Variants in PITPNC1 observed in about 807,000 individuals in gnomAD.
PITPNC1 encodes phosphatidylinositol transfer protein cytoplasmic 1.
In PITPNC1, 18 loss-of-function variants were observed where a neutral mutation model predicts 44.7. The observed-to-expected ratio is 0.40, with a 90% CI of 0.28 to 0.60. PITPNC1 has a LOEUF of 0.60. Ranked by LOEUF, PITPNC1 falls within the 20% of genes least tolerant of loss-of-function variation. The pLI is 0.39. For missense variants in PITPNC1, 290 were observed against 418.4 expected (o/e 0.69, Z 2.68); for synonymous variants, 141 against 149.6 (o/e 0.94, Z 0.42).
intron 6 of PITPNC1, among the ~76,000 whole-genome samples, chr17:67,658,191 G>A (rs1405349034): frequency 6.6e-6 from 1 of 152,212 alleles, no homozygotes; most frequent in Non-Finnish European, 1.5e-5. Context: ...TGGGACCCCA[G>A]TGAAACCCCA....
At chr17:67,588,096 C>T (rs2041345802) in intron 5 of PITPNC1, among the ~76,000 whole-genome samples, 2 of 152,188 alleles carry the variant, frequency 1.3e-5, no homozygotes, top group Non-Finnish European at 2.9e-5. Context: ...CTCTACCTCT[C>T]AGGTTCAAAC....
intron 1 of PITPNC1, among the ~76,000 whole-genome samples, chr17:67,474,262 A>G (rs1250135312): frequency 1.3e-5 from 2 of 152,190 alleles, no homozygotes; most frequent in Non-Finnish European, 2.9e-5. Flanking sequence ...TTTCCATGTC[A>G]GGAAGGAGAA....
chr17:67,576,975 A>G (rs1395880052), intron 4 of PITPNC1, among the ~76,000 whole-genome samples: 1 of 152,202 alleles, frequency 6.6e-6, no homozygotes, highest in African/African-American at 2.4e-5. Context: ...GACTTATCCA[A>G]ATTACATATT....
At position 67,521,537 on chromosome 17, in the gene PITPNC1, T is replaced by A. The variant is rs185568013; in HGVS notation, c.49-11265T>A. 5.3e-5 allele frequency among the ~76,000 whole-genome samples: 8 copies of A among 152,276 alleles called. 2 individuals carry two copies. In the East Asian group the frequency reaches 1.5e-3, roughly 29 times the overall value. ...GGTTTATTGACCAGGCTGAGAGACA[T>A]CTGACAAAACACCCAAGAACTTTAC... On this transcript the variant is annotated intron_variant, in intron 1 of 8. Coordinates refer to ENST00000581322, the MANE Select transcript of PITPNC1 (RefSeq NM_012417.4).
At position 67,696,433 on chromosome 17, in the gene PITPNC1, G is replaced by A. The variant is rs1468607034; in HGVS notation, c.*3545G>A. 2.0e-5 allele frequency: 3 copies of A among 152,138 alleles called. No homozygotes were observed. Among genetic ancestry groups the A allele is most frequent in the Non-Finnish European group, 4.4e-5 (3 of 68,022 alleles). 9.4% of individuals were successfully genotyped at this position (152,138 alleles called of 1,614,324 possible). A position where few individuals can be genotyped will look rare whatever the true frequency, so the allele number is the denominator to read the frequency against. On this transcript the variant is annotated 3_prime_UTR_variant, in exon 9 of 9. Coordinates refer to ENST00000581322, the MANE Select transcript of PITPNC1 (RefSeq NM_012417.4). Reference sequence around the variant, plus strand: ...CGATAGGAATTTTACTCTTAAGAAGGGCCAGTGTATAGCTGACTCTACATA... The same window carrying A: ...CGATAGGAATTTTACTCTTAAGAAGAGCCAGTGTATAGCTGACTCTACATA...
At chr17:67,521,522 C>T (rs929019854) in intron 1 of PITPNC1, among the ~76,000 whole-genome samples, 1 of 152,026 alleles carries the variant, frequency 6.6e-6, no homozygotes, top group Non-Finnish European at 1.5e-5. Flanking sequence ...GGTTTATTGA[C>T]CAGGCTGAGA....
intron 6 of PITPNC1, among the ~76,000 whole-genome samples, chr17:67,633,797 C>T (rs1266214438): frequency 6.6e-6 from 1 of 152,160 alleles, no homozygotes; most frequent in African/African-American, 2.4e-5. Flanking sequence ...ACGCCTCGGG[C>T]CCCCCCGGGC....
chr17:67,584,320 G>A (rs1157654112), intron 5 of PITPNC1, among the ~76,000 whole-genome samples: 1 of 152,086 alleles, frequency 6.6e-6, no homozygotes, highest in Non-Finnish European at 1.5e-5. Context: ...AAACTCCTCT[G>A]ATAAAATGAA....
intron 2 of PITPNC1, among the ~76,000 whole-genome samples, chr17:67,539,731 G>A (rs549403608): frequency 1.1e-4 from 17 of 152,140 alleles, no homozygotes; most frequent in African/African-American, 3.1e-4. Flanking sequence ...CCAGCTACTC[G>A]GGAGGCTGAG....
intron 1 of PITPNC1, among the ~76,000 whole-genome samples, chr17:67,494,589 G>A (rs2039918053): frequency 6.6e-6 from 1 of 152,136 alleles, no homozygotes; most frequent in African/African-American, 2.4e-5. Flanking sequence ...CTTGCTGGTG[G>A]TGGCCAGCAC....
chr17:67,626,175 AG>A (rs758177613), intron 5 of PITPNC1, among the ~76,000 whole-genome samples: 6 of 151,826 alleles, frequency 4.0e-5, no homozygotes, highest in Non-Finnish European at 7.4e-5. Context: ...TTATAGAGAC[AG>A]GGTCTTGCTA....
intron 1 of PITPNC1, among the ~76,000 whole-genome samples, chr17:67,382,774 A>G (rs1234062556): frequency 5.4e-5 from 8 of 149,018 alleles, no homozygotes; most frequent in African/African-American, 2.0e-4. Flanking sequence ...ACAGGCGCCC[A>G]CCATCACGCC....
chr17:67,380,709 T>C (rs2037945522), intron 1 of PITPNC1, among the ~76,000 whole-genome samples: 1 of 152,160 alleles, frequency 6.6e-6, no homozygotes, highest in Non-Finnish European at 1.5e-5. Flanking sequence ...TTTTTCCACA[T>C]TGAAAATGAG....
chr17:67,490,796 C>A (rs556356581), intron 1 of PITPNC1, among the ~76,000 whole-genome samples: 5 of 152,182 alleles, frequency 3.3e-5, no homozygotes, highest in African/African-American at 1.2e-4. Context: ...TGGAGCTGAA[C>A]GTCAGCGCCT....
At chr17:67,687,062 T>C (rs1452939578) in intron 8 of PITPNC1, 1 of 1,565,576 alleles carries the variant, frequency 6.4e-7, no homozygotes, top group East Asian at 2.2e-5. Flanking sequence ...TTGACCTCTT[T>C]CAGATATGAC....
intron 5 of PITPNC1, among the ~76,000 whole-genome samples, chr17:67,584,735 A>G (rs1168702407): frequency 6.6e-6 from 1 of 152,196 alleles, no homozygotes; most frequent in Non-Finnish European, 1.5e-5. Context: ...TCAAGTGTCA[A>G]TGAACCATTT....
chr17:67,687,282 T>C (rs2625565), intron 8 of PITPNC1: 47,885 of 694,732 alleles, frequency 0.069, 4,090 homozygotes, highest in African/African-American at 0.32. Context: ...CAACCTTCCA[T>C]AGAAACATGT....
At chr17:67,385,653 C>G (rs778714171) in intron 1 of PITPNC1, among the ~76,000 whole-genome samples, 3 of 152,054 alleles carry the variant, frequency 2.0e-5, no homozygotes, top group African/African-American at 2.4e-5. Context: ...TTGAAGTGAG[C>G]GAGACCAAGA....
chr17:67,391,754 T>A (rs1279188885), intron 1 of PITPNC1, among the ~76,000 whole-genome samples: 16 of 152,140 alleles, frequency 1.1e-4, no homozygotes, highest in Admixed American at 1.0e-3. Context: ...GTGTTGGGAT[T>A]ACAGGAGTGA....
Sources: allele counts gnomAD v4.1 joint callset (sites outside exome capture counted in the v4.1 genomes callset), GRCh38; gene constraint gnomAD v4.1.1; transcripts MANE v1.5; gene names NCBI Gene and HGNC (gene_info 2026-07-23, HGNC 2026-07-21).